SLC12A2: variants seen among roughly 807,000 people sequenced by gnomAD.
SLC12A2 encodes the protein Na-K-2Cl cotransporter 1.
In SLC12A2, 67 loss-of-function variants were observed where a neutral mutation model predicts 136.3. The ratio of observed to expected loss-of-function variants is 0.49; its 90% CI spans 0.40 to 0.60. The LOEUF (loss-of-function observed/expected upper bound fraction) is 0.60, where lower values mean the gene tolerates loss of function less well. Ranked by LOEUF, SLC12A2 falls within the 20% of genes least tolerant of loss-of-function variation. SLC12A2 has a pLI of 0.00. For missense variants in SLC12A2, 1,322 were observed against 1,534.7 expected (o/e 0.86, Z 2.32); for synonymous variants, 619 against 562.9 (o/e 1.10, Z -1.41).
At chr5:128,118,081 T>G (rs1761419882) in intron 4 of SLC12A2, among the ~76,000 whole-genome samples, 1 of 152,078 alleles carries the variant, frequency 6.6e-6, no homozygotes, top group African/African-American at 2.4e-5. Context: ...GATGTTGGTG[T>G]GGATGTTATG....
At chr5:128,166,521 A>G (rs112172045) in intron 17 of SLC12A2, among the ~76,000 whole-genome samples, 172 of 152,156 alleles carry the variant, frequency 1.1e-3, no homozygotes, top group African/African-American at 4.0e-3. Context: ...TCAGCCATAA[A>G]AAGGAATGAA....
chr5:128,150,342 T>C (rs1289585396), intron 13 of SLC12A2, among the ~76,000 whole-genome samples: 1 of 151,788 alleles, frequency 6.6e-6, no homozygotes, highest in African/African-American at 2.4e-5. Context: ...ACTGAAAAAT[T>C]GTTACTTTTT....
chr5:128,135,575 G>A, intron 6 of SLC12A2, 125 bp from the exon 7 acceptor site: 1 of 645,040 alleles, frequency 1.6e-6, no homozygotes, highest in Non-Finnish European at 2.8e-6. Context: ...ATTGTTTAAG[G>A]CACTGGGGAA....
intron 7 of SLC12A2, among the ~76,000 whole-genome samples, chr5:128,138,263 C>T (rs958847897): frequency 1.4e-4 from 22 of 152,262 alleles, no homozygotes; most frequent in African/African-American, 5.3e-4. Flanking sequence ...TACCTCCCTT[C>T]TTGCTTCTTT....
At chr5:128,185,831 T>C (rs1763849146) in intron 26 of SLC12A2, among the ~76,000 whole-genome samples, 1 of 152,168 alleles carries the variant, frequency 6.6e-6, no homozygotes, top group African/African-American at 2.4e-5. Flanking sequence ...CTTACTGTTC[T>C]TATGAACAAA....
intron 1 of SLC12A2, among the ~76,000 whole-genome samples, chr5:128,095,919 T>C (rs915880499): frequency 3.3e-5 from 5 of 152,180 alleles, no homozygotes; most frequent in African/African-American, 7.2e-5. Context: ...TTGTTTTCAT[T>C]GATGTGCTGA....
intron 19 of SLC12A2, among the ~76,000 whole-genome samples, chr5:128,173,029 CT>C (rs1161361026): frequency 6.6e-6 from 1 of 151,518 alleles, no homozygotes; most frequent in Non-Finnish European, 1.5e-5. Context: ...TTTTCTGATA[CT>C]TTAAGAAATT....
intron 1 of SLC12A2, among the ~76,000 whole-genome samples, chr5:128,098,543 C>T (rs1760628431): frequency 6.7e-6 from 1 of 149,568 alleles, no homozygotes; most frequent in African/African-American, 2.5e-5. Flanking sequence ...ATTTGGATGT[C>T]TAGCAGTTTT....
intron 15 of SLC12A2, among the ~76,000 whole-genome samples, chr5:128,153,584 C>A (rs1422182597): frequency 6.6e-6 from 1 of 152,120 alleles, no homozygotes; most frequent in African/African-American, 2.4e-5. Context: ...TATTATCTTT[C>A]TAATAGTTTA....
At chr5:128,185,545 TTTGCTGA>T (rs35531203) in intron 26 of SLC12A2, among the ~76,000 whole-genome samples, 41,759 of 151,612 alleles carry the variant, frequency 0.28, 6,256 homozygotes, top group African/African-American at 0.4. Flanking sequence ...AGTTTCAAGT[TTTGCTGA>T]TGATAATCAA....
chr5:128,094,646 ATC>A (rs1760456741), intron 1 of SLC12A2, among the ~76,000 whole-genome samples: 1 of 152,078 alleles, frequency 6.6e-6, no homozygotes. Context: ...GTATGGATGT[ATC>A]TCTTCCTAGT....
At chr5:128,146,556 T>G (rs1762531498) in intron 10 of SLC12A2, among the ~76,000 whole-genome samples, 1 of 151,164 alleles carries the variant, frequency 6.6e-6, no homozygotes, top group Non-Finnish European at 1.5e-5. Context: ...TTTTTTTAAG[T>G]CTTCTAAGAG....
At position 128,151,097 on chromosome 5, in the gene SLC12A2, A is replaced by G. The variant is rs1762684718; in HGVS notation, c.2108-144A>G. On this transcript the variant is annotated intron_variant, in intron 13 of 26. Coordinates refer to ENST00000262461, the MANE Select transcript of SLC12A2 (RefSeq NM_001046.3). The stretch of plus-strand genomic sequence containing the variant: ...GTGATCAATAATAGTCTTTGACTTT[A>G]CTATTCAATATTAGACTTATACTTA... 5.2e-6 allele frequency: 3 copies of G among 582,056 alleles called. 1 individual carries two copies. In the South Asian group the frequency reaches 1.0e-4, roughly 19 times the overall value. 36.1% of individuals were successfully genotyped at this position (582,056 alleles called of 1,614,324 possible). A position where few individuals can be genotyped will look rare whatever the true frequency, so the allele number is the denominator to read the frequency against.
intron 17 of SLC12A2, 134 bp from the exon 18 acceptor site, chr5:128,167,627 G>T: frequency 1.9e-6 from 1 of 532,582 alleles, no homozygotes; most frequent in South Asian, 3.1e-5. Context: ...AAGTAAATAT[G>T]AATATGGAAT....
chr5:128,148,855 T>A lies in SLC12A2; in HGVS notation c.1983T>A (p.Ile661=). 2 of 1,600,750 alleles carry A rather than the reference T, an allele frequency of 1.2e-6. No homozygotes were observed. The highest frequency in any genetic ancestry group is 2.3e-5 in the South Asian group (2 of 88,234). ...PLRGYILTFL[I]ALGFILIAEL... ...GTGGCTACATCTTAACATTCTTAAT[T>A]GCACTTGGATTCATCTTAATTGGTT... is the stretch of plus-strand genomic sequence containing the variant. The change falls in exon 12 of 27, where the codon ATT becomes ATA. Residue 661 remains isoleucine (I), a synonymous_variant. Transcript: ENST00000262461.
chr5:128,096,891 A>G (rs926014530), intron 1 of SLC12A2, among the ~76,000 whole-genome samples: 1 of 152,118 alleles, frequency 6.6e-6, no homozygotes, highest in African/African-American at 2.4e-5. Context: ...AATCATGAAA[A>G]GCAGAAACAA....
intron 1 of SLC12A2, among the ~76,000 whole-genome samples, chr5:128,099,314 G>T (rs1760660760): frequency 6.6e-6 from 1 of 152,022 alleles, no homozygotes; most frequent in South Asian, 2.1e-4. Flanking sequence ...TTCACACATA[G>T]AAACCTAAAC....
At chr5:128,129,023 A>T (rs1188501381) in intron 4 of SLC12A2, among the ~76,000 whole-genome samples, 1 of 152,064 alleles carries the variant, frequency 6.6e-6, no homozygotes, top group Non-Finnish European at 1.5e-5. Context: ...AATCTTTTGA[A>T]ATCTCACATT....
intron 13 of SLC12A2, 27 bp from the exon 14 acceptor site, chr5:128,151,214 T>C: frequency 6.3e-7 from 1 of 1,586,990 alleles, no homozygotes. Flanking sequence ...GGTATTTGTG[T>C]GACTTTTATT....
Sources: gnomAD v4.1 joint callset for allele counts (sites outside exome capture counted in the v4.1 genomes callset) on GRCh38, gnomAD v4.1.1 for gene constraint, MANE v1.5 for transcripts, NCBI Gene and HGNC (gene_info 2026-07-23, HGNC 2026-07-21) for gene names.